Variants in GTF2A2 observed in about 807,000 individuals in gnomAD.
GTF2A2 encodes general transcription factor IIA subunit 2.
GTF2A2 carries 9 observed loss-of-function variants against 14.3 expected under a neutral mutation model. The observed-to-expected ratio is 0.63, with a 90% CI of 0.38 to 1.10. The LOEUF (loss-of-function observed/expected upper bound fraction) is 1.10, where lower values mean the gene tolerates loss of function less well. GTF2A2 is among the 50% of genes least tolerant of loss of function. GTF2A2 has a pLI of 0.01. For missense variants in GTF2A2, 90 were observed against 124.6 expected (o/e 0.72, Z 1.32); for synonymous variants, 56 against 46.0 (o/e 1.22, Z -0.88).
At chr15:59,641,181 C>CT (rs374075324) in intron 4 of GTF2A2, among the ~76,000 whole-genome samples, 9,980 of 141,166 alleles carry the variant, frequency 0.071, 428 homozygotes, top group East Asian at 0.12. Context: ...CAGCAAGACT[C>CT]TTTTTTTTTT....
At chr15:59,648,539 A>G (rs1158731546) in intron 3 of GTF2A2, among the ~76,000 whole-genome samples, 1 of 152,048 alleles carries the variant, frequency 6.6e-6, no homozygotes, top group African/African-American at 2.4e-5. Flanking sequence ...ATAAATTAAA[A>G]CATATAAATG....
Position 59,642,125 on chromosome 15 carries a change from C to G in GTF2A2, c.304+11G>C. 1 of 1,598,204 alleles carries G rather than the reference C, an allele frequency of 6.3e-7. No homozygotes were observed. The highest frequency in any genetic ancestry group is 8.5e-7 in the Non-Finnish European group (1 of 1,173,714). ...TCAAGTAGCTTTCACAGAAATAAGG[C>G]AAGCACTTACTTTTACCATCACAGG... On this transcript the variant is annotated intron_variant, in intron 4 of 4. Coordinates refer to ENST00000396060, the MANE Select transcript of GTF2A2 (RefSeq NM_004492.3).
At chr15:59,641,945 T>C (rs1451480449) in intron 4 of GTF2A2, among the ~76,000 whole-genome samples, 191 bp downstream of exon 4, 9 of 152,212 alleles carry the variant, frequency 5.9e-5, no homozygotes, top group Non-Finnish European at 1.0e-4. Context: ...CTATATGTTA[T>C]TAAGTCACAA....
At position 59,642,378 on chromosome 15, in the gene GTF2A2, A is replaced by AAGATTTTCCTTAACTTT. The variant is rs1449662277; in HGVS notation, c.178-133_178-117dup. On this transcript the variant is annotated intron_variant, in intron 3 of 4. Coordinates refer to ENST00000396060, the MANE Select transcript of GTF2A2 (RefSeq NM_004492.3). Reference sequence around the variant, plus strand: ...ACATAATAAGTTTAATGCTTAGCTTAAGATTTTCCTTAACTTTAATCCTAG... The same window carrying AAGATTTTCCTTAACTTT: ...ACATAATAAGTTTAATGCTTAGCTTAAGATTTTCCTTAACTTTAGATTTTCCTTAACTTTAATCCTAG... 1.4e-5 allele frequency: 12 copies of AAGATTTTCCTTAACTTT among 847,102 alleles called. No individual in the cohort carries two copies. In the African/African-American group the frequency reaches 1.9e-4, roughly 14 times the overall value. 52.5% of individuals were successfully genotyped at this position (847,102 alleles called of 1,614,324 possible).
At chr15:59,640,539 T>A (rs1595666180) in intron 4 of GTF2A2, among the ~76,000 whole-genome samples, 1 of 152,162 alleles carries the variant, frequency 6.6e-6, no homozygotes, top group South Asian at 2.1e-4. Context: ...TGAGTTAAGT[T>A]CCTCAGCTGC....
intron 4 of GTF2A2, among the ~76,000 whole-genome samples, 156 bp from the exon 5 acceptor site, chr15:59,639,313 A>C (rs544274097): frequency 2.6e-5 from 4 of 152,092 alleles, no homozygotes; most frequent in African/African-American, 9.7e-5. Context: ...GACACTGTAA[A>C]TATGTTGAAC....
intron 4 of GTF2A2, among the ~76,000 whole-genome samples, chr15:59,639,629 A>AT: frequency 6.7e-6 from 1 of 150,040 alleles, no homozygotes; most frequent in East Asian, 2.1e-4. Flanking sequence ...CGCCCAGCTA[A>AT]TTTTTTGTAC....
At chr15:59,656,124 C>T (rs1022932749) in intron 1 of GTF2A2, among the ~76,000 whole-genome samples, 4 of 152,122 alleles carry the variant, frequency 2.6e-5, no homozygotes, top group Non-Finnish European at 4.4e-5. Context: ...TACAATGATC[C>T]GGCTACCATG....
intron 4 of GTF2A2, 98 bp from the exon 5 acceptor site, chr15:59,639,255 C>G: frequency 1.3e-6 from 1 of 766,866 alleles, no homozygotes; most frequent in East Asian, 2.5e-5. Flanking sequence ...GAACACAGGA[C>G]TAATAGTGGT....
chr15:59,647,994 G>A (rs1891661591), intron 3 of GTF2A2, among the ~76,000 whole-genome samples: 2 of 152,132 alleles, frequency 1.3e-5, no homozygotes, highest in African/African-American at 4.8e-5. Context: ...TTATTTTTGG[G>A]GGGTGTGGCA....
rs564752256 is a variant in GTF2A2, at chr15:59,638,955, A to G, written c.*177T>C. On this transcript the variant is annotated 3_prime_UTR_variant, in exon 5 of 5. Coordinates refer to ENST00000396060, the MANE Select transcript of GTF2A2 (RefSeq NM_004492.3). ...AAAAAGTTATGGTTTTTCATGCTGT[A>G]TAATAAAGGTGATGTAAGAGGCTAC... The G allele has an allele frequency of 3.9e-4, 228 of 581,870 alleles. 2 individuals are homozygous for G. The African/African-American group carries it at 4.1e-3, about 10-fold the overall frequency. 36.0% of individuals were successfully genotyped at this position (581,870 alleles called of 1,614,324 possible). A position where few individuals can be genotyped will look rare whatever the true frequency, so the allele number is the denominator to read the frequency against.
intron 3 of GTF2A2, among the ~76,000 whole-genome samples, chr15:59,650,379 A>T (rs1289044271): frequency 1.3e-5 from 2 of 152,200 alleles, no homozygotes; most frequent in African/African-American, 4.8e-5. Context: ...ATAATATTTC[A>T]GGTGTTTGGA....
chr15:59,643,443 T>G (rs1029515511), intron 3 of GTF2A2, among the ~76,000 whole-genome samples: 1 of 150,598 alleles, frequency 6.6e-6, no homozygotes, highest in Non-Finnish European at 1.5e-5. Flanking sequence ...AGTCAAACTT[T>G]TGGCCTCAAG....
At chr15:59,640,257 T>C (rs1891364449) in intron 4 of GTF2A2, 1 of 152,086 alleles carries the variant, frequency 6.6e-6, no homozygotes, top group Non-Finnish European at 1.5e-5. Context: ...AAAACAATCT[T>C]GTATAGTAAA....
intron 4 of GTF2A2, 121 bp downstream of exon 4, chr15:59,642,015 A>G: frequency 1.3e-6 from 1 of 756,818 alleles, no homozygotes; most frequent in Non-Finnish European, 2.1e-6. Context: ...GCCTGGGCTT[A>G]TCTGGGAATT....
chr15:59,644,589 C>T (rs1400165164), intron 3 of GTF2A2, among the ~76,000 whole-genome samples: 1 of 152,198 alleles, frequency 6.6e-6, no homozygotes, highest in African/African-American at 2.4e-5. Flanking sequence ...CGTAGTATAA[C>T]AGTGCTATGA....
chr15:59,655,575 C>T (rs1595675538), intron 1 of GTF2A2, among the ~76,000 whole-genome samples: 1 of 152,322 alleles, frequency 6.6e-6, no homozygotes, highest in East Asian at 1.9e-4. Flanking sequence ...ATCCCGTTTT[C>T]GCTAAACTCT....
At position 59,652,282 on chromosome 15, in the gene GTF2A2, T is replaced by C. The variant is rs752456542; in HGVS notation, c.-5A>G. ...TCTGTATAACTGATATGCCATGGCTTAGGAGGAAGAATTTGTTTTTCTTAT... is the reference window on the plus strand; with the variant it reads ...TCTGTATAACTGATATGCCATGGCTCAGGAGGAAGAATTTGTTTTTCTTAT... On this transcript the variant is annotated 5_prime_UTR_variant, in exon 2 of 5. Coordinates refer to ENST00000396060, the MANE Select transcript of GTF2A2 (RefSeq NM_004492.3). The C allele has an allele frequency of 5.7e-6, 9 of 1,567,416 alleles. No individual in the cohort carries two copies. The highest frequency in any genetic ancestry group is 2.3e-5 in the South Asian group (2 of 88,336).
intron 3 of GTF2A2, among the ~76,000 whole-genome samples, chr15:59,647,527 C>T (rs1161524432): frequency 6.6e-6 from 1 of 152,234 alleles, no homozygotes; most frequent in East Asian, 1.9e-4. Flanking sequence ...ATCTTCAATG[C>T]ACTTTTAATA....
Sources: gnomAD v4.1 joint callset for allele counts (sites outside exome capture counted in the v4.1 genomes callset) on GRCh38, gnomAD v4.1.1 for gene constraint, MANE v1.5 for transcripts, NCBI Gene and HGNC (gene_info 2026-07-23, HGNC 2026-07-21) for gene names.